The following NAV2 variants were observed in gnomAD, a reference collection of about 807,000 sequenced individuals.
NAV2 encodes the protein neuron navigator 2, also known as helicase, APC down-regulated 1.
NAV2 carries 54 observed loss-of-function variants against 223.2 expected under a neutral mutation model. The observed-to-expected ratio is 0.24, with a 90% CI of 0.19 to 0.30. The LOEUF (loss-of-function observed/expected upper bound fraction) is 0.30, where lower values mean the gene tolerates loss of function less well. Ranked by LOEUF, NAV2 falls within the 10% of genes least tolerant of loss-of-function variation. The pLI is 1.00. For missense variants in NAV2, 2,806 were observed against 3,147.5 expected (o/e 0.89, Z 2.60); for synonymous variants, 1,279 against 1,239.3 (o/e 1.03, Z -0.67).
intron 1 of NAV2, among the ~76,000 whole-genome samples, chr11:19,441,449 C>A (rs924781287): frequency 7.9e-5 from 5 of 63,000 alleles, no homozygotes; most frequent in African/African-American, 2.7e-4. Context: ...CACACACACG[C>A]ACACACACAC....
chr11:19,655,617 C>A (rs1432123299), intron 1 of NAV2, among the ~76,000 whole-genome samples: 7 of 151,906 alleles, frequency 4.6e-5, no homozygotes, highest in Non-Finnish European at 8.8e-5. Context: ...TTGAAACCAT[C>A]ATTCTTAGCA....
At chr11:19,469,213 C>T (rs903828557) in intron 1 of NAV2, among the ~76,000 whole-genome samples, 1 of 152,172 alleles carries the variant, frequency 6.6e-6, no homozygotes, top group Non-Finnish European at 1.5e-5. Flanking sequence ...CCTCTTGCTC[C>T]AGTTCTAGCA....
chr11:20,115,232 C>A (rs1037427250), intron 37 of NAV2, among the ~76,000 whole-genome samples: 1 of 152,120 alleles, frequency 6.6e-6, no homozygotes, highest in Non-Finnish European at 1.5e-5. Flanking sequence ...GAGGGACTCA[C>A]AGAGGGGAGG....
chr11:19,453,049 G>A (rs1327412273), intron 1 of NAV2, among the ~76,000 whole-genome samples: 1 of 152,146 alleles, frequency 6.6e-6, no homozygotes, highest in Non-Finnish European at 1.5e-5. Context: ...AAATCACATG[G>A]CTGGTAAGTG....
At chr11:19,622,840 A>C (rs1183869645) in intron 1 of NAV2, among the ~76,000 whole-genome samples, 1 of 152,108 alleles carries the variant, frequency 6.6e-6, no homozygotes. Context: ...TCGTTAGTTG[A>C]TGCAGTTTCT....
At chr11:20,082,447 C>T in intron 25 of NAV2, 2 of 756,908 alleles carry the variant, frequency 2.6e-6, no homozygotes, top group Non-Finnish European at 4.6e-6. Flanking sequence ...TGTGTTCCTA[C>T]TGGAAACCTC....
At chr11:20,098,268 G>GA (rs1004434276) in intron 31 of NAV2, among the ~76,000 whole-genome samples, 4 of 150,314 alleles carry the variant, frequency 2.7e-5, no homozygotes, top group Admixed American at 6.6e-5. Context: ...GTTCACTGAG[G>GA]AAAAAAAAAG....
intron 1 of NAV2, among the ~76,000 whole-genome samples, chr11:19,617,766 C>A (rs1169222856): frequency 6.6e-6 from 1 of 151,992 alleles, no homozygotes; most frequent in Non-Finnish European, 1.5e-5. Flanking sequence ...CTTCTCCTAC[C>A]CCTGCATTCA....
At chr11:19,488,233 G>C (rs2042510217) in intron 1 of NAV2, among the ~76,000 whole-genome samples, 1 of 152,100 alleles carries the variant, frequency 6.6e-6, no homozygotes, top group African/African-American at 2.4e-5. Flanking sequence ...TAGTAATTTT[G>C]CTTTTTGTAT....
chr11:19,464,338 T>C (rs975598745), intron 1 of NAV2, among the ~76,000 whole-genome samples: 2 of 152,226 alleles, frequency 1.3e-5, no homozygotes, highest in African/African-American at 4.8e-5. Flanking sequence ...TCATTGGCTT[T>C]GAATTTTAGC....
At chr11:19,925,575 C>G (rs557050163) in intron 6 of NAV2, among the ~76,000 whole-genome samples, 23 of 152,114 alleles carry the variant, frequency 1.5e-4, no homozygotes, top group African/African-American at 5.5e-4. Flanking sequence ...GTGGTGAAAC[C>G]CTGTCTCTAC....
chr11:19,764,846 A>C (rs1166566066), intron 1 of NAV2, among the ~76,000 whole-genome samples: 2 of 152,210 alleles, frequency 1.3e-5, no homozygotes, highest in African/African-American at 4.8e-5. Flanking sequence ...CATCTTTGTC[A>C]GTGGCAGCAA....
At chr11:19,908,170 T>C (rs1414662395) in intron 6 of NAV2, among the ~76,000 whole-genome samples, 1 of 152,190 alleles carries the variant, frequency 6.6e-6, no homozygotes, top group East Asian at 1.9e-4. Flanking sequence ...GCTTCAGAAA[T>C]CATCAAACGG....
chr11:19,482,450 G>A (rs975309671), intron 1 of NAV2, among the ~76,000 whole-genome samples: 2 of 152,184 alleles, frequency 1.3e-5, no homozygotes, highest in Non-Finnish European at 2.9e-5. Context: ...GTTGCCTGTG[G>A]AACTGGAAAA....
intron 6 of NAV2, among the ~76,000 whole-genome samples, chr11:19,920,081 C>T (rs1430907026): frequency 6.6e-6 from 1 of 152,060 alleles, no homozygotes; most frequent in Non-Finnish European, 1.5e-5. Flanking sequence ...CTGTAGTGAG[C>T]CATGTTTGCA....
chr11:19,724,120 T>C (rs2051022768), intron 1 of NAV2, among the ~76,000 whole-genome samples: 1 of 152,160 alleles, frequency 6.6e-6, no homozygotes, highest in African/African-American at 2.4e-5. Flanking sequence ...TCTGTTCCCA[T>C]AGCTCCATTG....
At chr11:19,959,681 C>G (rs1384494157) in intron 10 of NAV2, among the ~76,000 whole-genome samples, 1 of 152,196 alleles carries the variant, frequency 6.6e-6, no homozygotes, top group Non-Finnish European at 1.5e-5. Flanking sequence ...ATATTTCATG[C>G]TCTTCCCCGC....
chr11:20,041,321 A>C (rs1016771617), intron 12 of NAV2, among the ~76,000 whole-genome samples: 2 of 152,142 alleles, frequency 1.3e-5, no homozygotes, highest in Non-Finnish European at 2.9e-5. Context: ...TTTTCTTTTC[A>C]CTGTTTGCCT....
chr11:20,085,779 C>T (rs973836214), intron 26 of NAV2, among the ~76,000 whole-genome samples: 3 of 152,162 alleles, frequency 2.0e-5, no homozygotes, highest in Non-Finnish European at 4.4e-5. Flanking sequence ...AGCCAGTGGG[C>T]GTGGGGGTTT....
Sources: gnomAD v4.1 joint callset for allele counts (sites outside exome capture counted in the v4.1 genomes callset) on GRCh38, gnomAD v4.1.1 for gene constraint, MANE v1.5 for transcripts, NCBI Gene and HGNC (gene_info 2026-07-23, HGNC 2026-07-21) for gene names.